Variants in BBS9 observed in about 807,000 individuals in gnomAD.
The protein encoded by BBS9 is Bardet-Biedl syndrome 9, also known as protein PTHB1.
Under a neutral mutation model 117.7 loss-of-function variants are expected in BBS9, and 89 were observed. The ratio of observed to expected loss-of-function variants is 0.76; its 90% CI spans 0.64 to 0.90. The LOEUF is 0.90. BBS9 is among the 40% of genes least tolerant of loss of function. The pLI, the probability that BBS9 is intolerant of heterozygous loss-of-function variation, is 0.00. For missense variants in BBS9, 982 were observed against 1,042.2 expected, an observed-to-expected ratio of 0.94 and a Z score of 0.80; for synonymous variants, 379 against 370.9, an observed-to-expected ratio of 1.02 and a Z score of -0.25.
intron 5 of BBS9, among the ~76,000 whole-genome samples, chr7:33,209,146 T>G (rs1033057953): frequency 2.0e-5 from 3 of 152,146 alleles, no homozygotes; most frequent in African/African-American, 7.2e-5. Context: ...TCTCCGTGAG[T>G]TTAATTGTTT....
chr7:33,214,137 C>A (rs952375766), intron 5 of BBS9, among the ~76,000 whole-genome samples: 1 of 152,160 alleles, frequency 6.6e-6, no homozygotes, highest in African/African-American at 2.4e-5. Flanking sequence ...GATGGCGAGG[C>A]CTGTTGAGAA....
chr7:33,609,973 A>G (rs1216938245), downstream of BBS9, among the ~76,000 whole-genome samples: 2 of 152,004 alleles, frequency 1.3e-5, no homozygotes, highest in Admixed American at 6.6e-5. Flanking sequence ...CACCCTTCCA[A>G]TGCCTGCTAC....
chr7:33,492,214 C>CAAAAAAAAAAAAA (rs767399661), intron 19 of BBS9, among the ~76,000 whole-genome samples: 1 of 110,622 alleles, frequency 9.0e-6, no homozygotes. Context: ...AAAAAAAAAA[C>CAAAAAAAAAAAAA]AAAAAAAAAA....
At chr7:33,354,635 T>G (rs575665365) in intron 15 of BBS9, among the ~76,000 whole-genome samples, 1 of 152,262 alleles carries the variant, frequency 6.6e-6, no homozygotes, top group Non-Finnish European at 1.5e-5. Flanking sequence ...TATGGTTATT[T>G]TATTCATATA....
intron 1 of BBS9, among the ~76,000 whole-genome samples, chr7:33,132,284 G>A (rs111355919): frequency 1.3e-5 from 2 of 152,116 alleles, no homozygotes; most frequent in African/African-American, 4.8e-5. Flanking sequence ...CCACTGGCAC[G>A]GATTTCTTAA....
At chr7:33,398,477 A>T (rs549640152) in intron 19 of BBS9, among the ~76,000 whole-genome samples, 2 of 152,364 alleles carry the variant, frequency 1.3e-5, no homozygotes, top group South Asian at 4.1e-4. Context: ...TCTCAGCCAA[A>T]CAAGAGCAAT....
At chr7:33,411,201 C>T (rs1005294522) in intron 19 of BBS9, among the ~76,000 whole-genome samples, 3 of 152,004 alleles carry the variant, frequency 2.0e-5, no homozygotes, top group South Asian at 2.1e-4. Context: ...GATGCCAAAT[C>T]TTCATAAAAG....
intron 19 of BBS9, among the ~76,000 whole-genome samples, chr7:33,443,736 G>A (rs1027410905): frequency 5.3e-5 from 8 of 152,122 alleles, no homozygotes; most frequent in Admixed American, 2.0e-4. Context: ...TTGTAATCAC[G>A]CCAAAATGGG....
chr7:33,469,602 GA>G (rs1268684186), intron 19 of BBS9, among the ~76,000 whole-genome samples: 1 of 152,146 alleles, frequency 6.6e-6, no homozygotes, highest in Non-Finnish European at 1.5e-5. Context: ...AAAATATCTG[GA>G]GGGTTAAATG....
chr7:33,412,747 G>A (rs761127361), intron 19 of BBS9, among the ~76,000 whole-genome samples: 1 of 152,106 alleles, frequency 6.6e-6, no homozygotes, highest in African/African-American at 2.4e-5. Flanking sequence ...GAAAGTTTAC[G>A]CTTATATCAT....
chr7:33,587,885 T>G (rs558548431), intron 21 of BBS9, among the ~76,000 whole-genome samples: 5 of 152,234 alleles, frequency 3.3e-5, no homozygotes, highest in African/African-American at 9.6e-5. Flanking sequence ...GGGCTTGCTT[T>G]TAAAAACACG....
chr7:33,209,475 T>C (rs1468624185), intron 5 of BBS9, among the ~76,000 whole-genome samples: 1 of 152,212 alleles, frequency 6.6e-6, no homozygotes, highest in Non-Finnish European at 1.5e-5. Flanking sequence ...GTGGGATTGC[T>C]GGGTCATATG....
At chr7:33,257,189 A>G in intron 5 of BBS9, 47 bp from the exon 6 acceptor site, 1 of 1,279,980 alleles carries the variant, frequency 7.8e-7, no homozygotes, top group Non-Finnish European at 1.1e-6. Flanking sequence ...AAAATATTAT[A>G]TTTATAAAAA....
At chr7:33,555,112 A>G (rs915479242) in intron 21 of BBS9, among the ~76,000 whole-genome samples, 1 of 152,200 alleles carries the variant, frequency 6.6e-6, no homozygotes, top group Non-Finnish European at 1.5e-5. Flanking sequence ...TAACTTTTTT[A>G]AGTATACAGA....
chr7:33,529,126 C>G (rs1483164346), intron 20 of BBS9, among the ~76,000 whole-genome samples: 4 of 152,204 alleles, frequency 2.6e-5, no homozygotes, highest in Non-Finnish European at 4.4e-5. Context: ...ATTTAAAGAG[C>G]TGGCTCACAG....
rs1815357385 is a variant in BBS9, at chr7:33,336,416, T to C, written c.1017-25T>C. 3.8e-6 allele frequency: 6 copies of C among 1,593,104 alleles called. No individual in the cohort carries two copies. The East Asian group carries it at 1.3e-4, about 36-fold the overall frequency. On this transcript the variant is annotated intron_variant, in intron 9 of 22. Coordinates refer to ENST00000242067, the MANE Select transcript of BBS9 (RefSeq NM_198428.3). ...AACTCTACTGAAATTTAAAATTATG[T>C]CTCATTTTCTCTTCCTTATTGTAGT... is the stretch of plus-strand genomic sequence containing the variant.
intron 21 of BBS9, among the ~76,000 whole-genome samples, chr7:33,552,436 A>G (rs1387763153): frequency 6.6e-6 from 1 of 152,056 alleles, no homozygotes; most frequent in African/African-American, 2.4e-5. Context: ...CCCCTCCACC[A>G]GCCCTTGGTG....
intron 21 of BBS9, among the ~76,000 whole-genome samples, chr7:33,600,588 T>C (rs1474187179): frequency 6.6e-6 from 1 of 152,206 alleles, no homozygotes; most frequent in Non-Finnish European, 1.5e-5. Context: ...TTTTCTTTAA[T>C]AGCGAGAGGG....
intron 19 of BBS9, among the ~76,000 whole-genome samples, chr7:33,435,624 A>G (rs1835189010): frequency 6.6e-6 from 1 of 152,182 alleles, no homozygotes; most frequent in Non-Finnish European, 1.5e-5. Context: ...TGAATTAAAT[A>G]CCAAGCATAG....
Sources: gnomAD v4.1 joint callset for allele counts (sites outside exome capture counted in the v4.1 genomes callset) on GRCh38, gnomAD v4.1.1 for gene constraint, MANE v1.5 for transcripts, NCBI Gene and HGNC (gene_info 2026-07-23, HGNC 2026-07-21) for gene names.